The following ZMYM2 variants were observed in gnomAD, a reference collection of about 807,000 sequenced individuals.
The protein encoded by ZMYM2 is zinc finger MYM-type protein 2.
A neutral mutation model predicts 162.8 loss-of-function variants in ZMYM2; 56 were observed. That is an observed-to-expected ratio of 0.34 (90% CI 0.28 to 0.43). The LOEUF (loss-of-function observed/expected upper bound fraction) is 0.43. ZMYM2 is among the 20% of genes least tolerant of loss of function. The pLI is 1.00. For synonymous variants in ZMYM2, 510 were observed against 541.6 expected, an observed-to-expected ratio of 0.94 and a Z score of 0.81; for missense variants, 1,275 against 1,621.8, an observed-to-expected ratio of 0.79 and a Z score of 3.67.
At chr13:19,912,862 T>C in the ZMYM2 span, among the ~76,000 whole-genome samples, 2 of 152,192 alleles carry the variant, frequency 1.3e-5, no homozygotes. Flanking sequence ...ATATCTCTTC[T>C]AAGGTGAAGG....
intron 2 of ZMYM2, among the ~76,000 whole-genome samples, chr13:19,971,817 TC>T (rs1197143988): frequency 2.0e-5 from 3 of 151,712 alleles, no homozygotes; most frequent in African/African-American, 7.3e-5. Flanking sequence ...ACATAAAACA[TC>T]GTGAAATGGC....
chr13:19,962,539 T>C (rs1380251716), intron 2 of ZMYM2, among the ~76,000 whole-genome samples: 1 of 136,240 alleles, frequency 7.3e-6, no homozygotes, highest in African/African-American at 2.9e-5. Context: ...TTTTTTTTTT[T>C]TTGAGATGGA....
chr13:19,977,084 C>A (rs114145529), intron 2 of ZMYM2, among the ~76,000 whole-genome samples: 186 of 152,298 alleles, frequency 1.2e-3, no homozygotes, highest in African/African-American at 4.3e-3. Context: ...TTAGTATAGC[C>A]ACTCCAATTC....
chr13:19,873,001 A>C, the ZMYM2 span, among the ~76,000 whole-genome samples: 6 of 151,532 alleles, frequency 4.0e-5, 1 homozygote, highest in African/African-American at 1.4e-4. Context: ...CTCTACCCCA[A>C]AAAAAAATAA....
At chr13:19,956,386 T>C (rs1280086750), upstream of ZMYM2, among the ~76,000 whole-genome samples, 1 of 152,248 alleles carries the variant, frequency 6.6e-6, no homozygotes, top group African/African-American at 2.4e-5. Flanking sequence ...TATCCATTCA[T>C]CAGTTGATGG....
At chr13:20,002,150 A>G (rs567942547) in intron 3 of ZMYM2, among the ~76,000 whole-genome samples, 1 of 152,342 alleles carries the variant, frequency 6.6e-6, no homozygotes, top group South Asian at 2.1e-4. Context: ...TGTTCTTAAA[A>G]TATGTCTTGG....
intron 7 of ZMYM2, among the ~76,000 whole-genome samples, chr13:20,021,637 C>G (rs1952117186): frequency 6.6e-6 from 1 of 151,980 alleles, no homozygotes; most frequent in South Asian, 2.1e-4. Flanking sequence ...CTGAATCATC[C>G]CCCGTATTAC....
At chr13:20,049,492 C>T (rs369206607) in intron 12 of ZMYM2, among the ~76,000 whole-genome samples, 2 of 151,966 alleles carry the variant, frequency 1.3e-5, no homozygotes, top group Admixed American at 1.3e-4. Flanking sequence ...TGAATTAATA[C>T]AGATTTCTGT....
the ZMYM2 span, among the ~76,000 whole-genome samples, chr13:19,920,015 T>C: frequency 1.3e-5 from 2 of 152,108 alleles, no homozygotes; most frequent in South Asian, 4.1e-4. Flanking sequence ...TGCTATGTTG[T>C]CCAGTCTGGT....
intron 22 of ZMYM2, 58 bp from the exon 23 acceptor site, chr13:20,082,723 G>A (rs1957989543): frequency 6.6e-6 from 9 of 1,366,074 alleles, no homozygotes; most frequent in Non-Finnish European, 7.8e-6. Flanking sequence ...GCTTCTAGAT[G>A]GTTAAATGAA....
At chr13:19,928,236 G>T in the ZMYM2 span, among the ~76,000 whole-genome samples, 14 of 152,106 alleles carry the variant, frequency 9.2e-5, no homozygotes, top group Non-Finnish European at 1.9e-4. Flanking sequence ...CCAACTCTTG[G>T]CTCAAGCGAG....
At chr13:19,989,684 T>C (rs1045161136) in intron 2 of ZMYM2, among the ~76,000 whole-genome samples, 1 of 152,236 alleles carries the variant, frequency 6.6e-6, no homozygotes, top group Non-Finnish European at 1.5e-5. Flanking sequence ...ATACTCTTAT[T>C]TTAAAATGTA....
chr13:20,063,810 A>G (rs9552065), intron 18 of ZMYM2, among the ~76,000 whole-genome samples: 10 of 11,596 alleles, frequency 8.6e-4, no homozygotes, highest in African/African-American at 1.2e-3. Flanking sequence ...AATATATAAT[A>G]TATATAATAC....
intron 2 of ZMYM2, among the ~76,000 whole-genome samples, chr13:19,968,582 T>A (rs1956019144): frequency 6.6e-6 from 1 of 152,210 alleles, no homozygotes; most frequent in Non-Finnish European, 1.5e-5. Flanking sequence ...AGACTAATGT[T>A]GAGACCTTTA....
intron 21 of ZMYM2, among the ~76,000 whole-genome samples, chr13:20,079,345 G>GAAAAAAAAAAT (rs1957754259): frequency 5.2e-5 from 1 of 19,140 alleles, no homozygotes; most frequent in African/African-American, 1.5e-4. Flanking sequence ...AAAAAAAAAG[G>GAAAAAAAAAAT]ATACTTAATG....
At chr13:20,074,989 T>A (rs1014526719) in intron 21 of ZMYM2, among the ~76,000 whole-genome samples, 1 of 152,240 alleles carries the variant, frequency 6.6e-6, no homozygotes, top group Non-Finnish European at 1.5e-5. Context: ...GGAATATCTA[T>A]TTTTATTATT....
At chr13:19,866,254 GAATT>G in the ZMYM2 span, among the ~76,000 whole-genome samples, 90,661 of 151,468 alleles carry the variant, frequency 0.6, 30,994 homozygotes, top group East Asian at 0.88. Flanking sequence ...AGCAAAAAAA[GAATT>G]AAATAAATTA....
the ZMYM2 span, among the ~76,000 whole-genome samples, chr13:19,884,757 C>T: frequency 6.6e-6 from 1 of 152,066 alleles, no homozygotes; most frequent in African/African-American, 2.4e-5. Context: ...TGTTACAGCT[C>T]TTCAACATAG....
chr13:20,031,309 T>A lies in ZMYM2; in HGVS notation c.1852-10T>A. ...ATGTCAGGCTTAGTATCTTTTGTTC[T>A]TTGTTTTAGGCTCTAAGTATGCAGT... is the stretch of plus-strand genomic sequence containing the variant. On this transcript the variant is annotated splice_polypyrimidine_tract_variant and intron_variant, in intron 9 of 24. Transcript: ENST00000610343. 1 of 1,588,552 alleles carries A rather than the reference T, an allele frequency of 6.3e-7. No homozygotes were observed. Among genetic ancestry groups the A allele is most frequent in the Non-Finnish European group, 8.6e-7 (1 of 1,167,352 alleles).
Sources: allele counts gnomAD v4.1 joint callset (sites outside exome capture counted in the v4.1 genomes callset), GRCh38; gene constraint gnomAD v4.1.1; transcripts MANE v1.5; gene names NCBI Gene and HGNC (gene_info 2026-07-23, HGNC 2026-07-21).